Variants in CREB5 observed in about 807,000 individuals in gnomAD.
CREB5 encodes cAMP responsive element binding protein 5, also known as cyclic AMP-responsive element-binding protein 5.
In CREB5, 19 loss-of-function variants were observed where a neutral mutation model predicts 57.1. That is an observed-to-expected ratio of 0.33 (90% CI 0.23 to 0.49). The LOEUF (loss-of-function observed/expected upper bound fraction) is 0.49, where lower values mean the gene tolerates loss of function less well. CREB5 is among the 20% of genes least tolerant of loss of function. CREB5 has a pLI of 0.99. For missense variants in CREB5, 579 were observed against 671.6 expected (o/e 0.86, Z 1.52); for synonymous variants, 238 against 238.3 (o/e 1.00, Z 0.01).
At chr7:28,772,479 A>G (rs930142672) in intron 7 of CREB5, among the ~76,000 whole-genome samples, 1 of 152,180 alleles carries the variant, frequency 6.6e-6, no homozygotes, top group African/African-American at 2.4e-5. Flanking sequence ...CAGAAATGGA[A>G]GAGCGGTGGG....
At chr7:28,733,903 T>C (rs1225652055) in intron 7 of CREB5, among the ~76,000 whole-genome samples, 3 of 152,224 alleles carry the variant, frequency 2.0e-5, no homozygotes, top group African/African-American at 7.2e-5. Flanking sequence ...AGGGAGAAGA[T>C]AAGATTTAAA....
At chr7:28,588,371 C>A (rs892484280) in intron 5 of CREB5, among the ~76,000 whole-genome samples, 11 of 152,108 alleles carry the variant, frequency 7.2e-5, no homozygotes, top group African/African-American at 2.7e-4. Context: ...GTCTGTAAAG[C>A]AGAAATTGTG....
chr7:28,308,813 T>C (rs1477281573), intron 1 of CREB5, among the ~76,000 whole-genome samples: 1 of 152,216 alleles, frequency 6.6e-6, no homozygotes, highest in African/African-American at 2.4e-5. Flanking sequence ...TCTTTTCTGT[T>C]TGTCCCTGAT....
intron 4 of CREB5, among the ~76,000 whole-genome samples, chr7:28,508,625 T>C (rs1792578969): frequency 1.3e-5 from 2 of 152,232 alleles, no homozygotes; most frequent in Admixed American, 1.3e-4. Flanking sequence ...TGTGAAATTA[T>C]AATAATCCCC....
intron 1 of CREB5, among the ~76,000 whole-genome samples, chr7:28,367,840 C>A (rs7457668): frequency 1.3e-5 from 2 of 152,002 alleles, no homozygotes; most frequent in Non-Finnish European, 2.9e-5. Flanking sequence ...AACAAACAAA[C>A]AAAAAACAAC....
At chr7:28,481,489 T>C (rs778246758) in intron 1 of CREB5, among the ~76,000 whole-genome samples, 1 of 152,200 alleles carries the variant, frequency 6.6e-6, no homozygotes, top group Non-Finnish European at 1.5e-5. Context: ...TGTTCACTTA[T>C]AAGGTACAGC....
chr7:28,610,179 G>T (rs1797327969), intron 5 of CREB5, among the ~76,000 whole-genome samples: 1 of 152,122 alleles, frequency 6.6e-6, no homozygotes, highest in Non-Finnish European at 1.5e-5. Flanking sequence ...CTACAGGGAT[G>T]TCTCCTGTTC....
chr7:28,537,286 TG>T (rs1243096311), intron 4 of CREB5, among the ~76,000 whole-genome samples: 2 of 152,262 alleles, frequency 1.3e-5, no homozygotes, highest in Non-Finnish European at 2.9e-5. Flanking sequence ...TCATCTCATA[TG>T]GTTACCCATT....
At chr7:28,661,142 T>C (rs1259998824) in intron 5 of CREB5, among the ~76,000 whole-genome samples, 3 of 152,180 alleles carry the variant, frequency 2.0e-5, no homozygotes, top group Non-Finnish European at 4.4e-5. Context: ...TCTTGTTGTC[T>C]CTTGCTTCTG....
At chr7:28,417,719 T>TC (rs1483502678) in intron 1 of CREB5, among the ~76,000 whole-genome samples, 2 of 152,226 alleles carry the variant, frequency 1.3e-5, no homozygotes, top group Admixed American at 6.5e-5. Flanking sequence ...ATTCTATGAT[T>TC]CTATTTCAGG....
intron 1 of CREB5, among the ~76,000 whole-genome samples, chr7:28,390,572 G>T (rs1032290223): frequency 6.6e-6 from 1 of 152,114 alleles, no homozygotes; most frequent in Non-Finnish European, 1.5e-5. Flanking sequence ...TTTTAACCGT[G>T]GGGTTTTGGC....
At chr7:28,578,811 CAAATA>C (rs1315946439) in intron 5 of CREB5, among the ~76,000 whole-genome samples, 1 of 152,114 alleles carries the variant, frequency 6.6e-6, no homozygotes, top group Non-Finnish European at 1.5e-5. Context: ...TATGTTTCAC[CAAATA>C]AATTTTCTCT....
At chr7:28,392,544 G>T (rs1184609117) in intron 1 of CREB5, among the ~76,000 whole-genome samples, 1 of 152,154 alleles carries the variant, frequency 6.6e-6, no homozygotes, top group African/African-American at 2.4e-5. Flanking sequence ...GGTTTATGTG[G>T]GATTACATGT....
At chr7:28,683,747 G>A (rs1384041460) in intron 5 of CREB5, among the ~76,000 whole-genome samples, 1 of 152,158 alleles carries the variant, frequency 6.6e-6, no homozygotes, top group Non-Finnish European at 1.5e-5. Context: ...GCACAGGAAA[G>A]CCATCTTTAC....
chr7:28,303,558 G>A (rs1209727906), intron 1 of CREB5, among the ~76,000 whole-genome samples: 1 of 152,298 alleles, frequency 6.6e-6, no homozygotes, highest in East Asian at 1.9e-4. Flanking sequence ...AAATGCATAT[G>A]TGCTTTTTGA....
chr7:28,431,082 C>T (rs1002259210), intron 1 of CREB5, among the ~76,000 whole-genome samples: 5 of 152,140 alleles, frequency 3.3e-5, no homozygotes, highest in African/African-American at 1.2e-4. Context: ...CAGCTGGCTT[C>T]CCCAGGAGCA....
intron 5 of CREB5, among the ~76,000 whole-genome samples, chr7:28,606,084 T>C (rs916804189): frequency 6.6e-6 from 1 of 152,200 alleles, no homozygotes; most frequent in Admixed American, 6.5e-5. Flanking sequence ...AAAGCATTAC[T>C]ACCAGCTCTC....
chr7:28,716,632 A>G (rs538993458), intron 5 of CREB5, among the ~76,000 whole-genome samples: 1 of 152,328 alleles, frequency 6.6e-6, no homozygotes, highest in South Asian at 2.1e-4. Flanking sequence ...TAAACATTAT[A>G]TATACACTTT....
intron 1 of CREB5, among the ~76,000 whole-genome samples, chr7:28,333,504 CT>C: frequency 6.6e-6 from 1 of 151,848 alleles, no homozygotes; most frequent in East Asian, 1.9e-4. Flanking sequence ...TTATTTTTAC[CT>C]TTTTTTTGGT....
Sources: allele counts gnomAD v4.1 joint callset (sites outside exome capture counted in the v4.1 genomes callset), GRCh38; gene constraint gnomAD v4.1.1; transcripts MANE v1.5; gene names NCBI Gene and HGNC (gene_info 2026-07-23, HGNC 2026-07-21).